WFDC11: variants seen among roughly 807,000 people sequenced by gnomAD.
WFDC11 encodes the protein WAP four-disulfide core domain 11.
A neutral mutation model predicts 9.9 loss-of-function variants in WFDC11; 9 were observed. The ratio of observed to expected loss-of-function variants is 0.91; its 90% CI spans 0.55 to 1.58. The LOEUF (loss-of-function observed/expected upper bound fraction) is 1.58. Ranked by LOEUF, WFDC11 falls within the 40% of genes most tolerant of loss-of-function variation. WFDC11 has a pLI of 0.00. For missense variants in WFDC11, 106 were observed against 101.7 expected (o/e 1.04, Z -0.18); for synonymous variants, 32 against 33.3 (o/e 0.96, Z 0.13).
intron 3 of WFDC11, 38 bp from the exon 4 acceptor site, chr20:45,649,437 G>A (rs200692299): frequency 8.1e-6 from 13 of 1,605,578 alleles, no homozygotes; most frequent in South Asian, 1.1e-5. Context: ...TTGATGGTAT[G>A]TTTCAGCCAA....
chr20:45,648,793 C>A, intron 4 of WFDC11, 54 bp from the exon 5 acceptor site: 1 of 1,560,750 alleles, frequency 6.4e-7, no homozygotes, highest in Non-Finnish European at 8.8e-7. Flanking sequence ...GAGAAACAAG[C>A]ATTCATTCCC....
chr20:45,656,777 T>C (rs1027619598), intron 2 of WFDC11, among the ~76,000 whole-genome samples: 1 of 152,164 alleles, frequency 6.6e-6, no homozygotes, highest in Non-Finnish European at 1.5e-5. Flanking sequence ...GCAAAGGATA[T>C]GAACAGACAC....
At chr20:45,665,140 G>T (rs990557405) in intron 2 of WFDC11, among the ~76,000 whole-genome samples, 1 of 151,894 alleles carries the variant, frequency 6.6e-6, no homozygotes, top group African/African-American at 2.4e-5. Context: ...CTCTAACCTT[G>T]TCTTTTCACT....
chr20:45,669,887 G>A (rs941077039), intron 1 of WFDC11, among the ~76,000 whole-genome samples: 1 of 152,108 alleles, frequency 6.6e-6, no homozygotes, highest in African/African-American at 2.4e-5. Context: ...CCAAAAGTTG[G>A]TTCTTTGTAG....
Position 45,650,350 on chromosome 20 carries a change from A to C in WFDC11, c.100+151T>G, listed in dbSNP as rs186427697. The C allele has an allele frequency of 1.3e-4, 84 of 623,084 alleles. No homozygotes were observed. The East Asian group carries it at 2.0e-3, about 15-fold the overall frequency. 38.6% of individuals were successfully genotyped at this position (623,084 alleles called of 1,614,324 possible). A position where few individuals can be genotyped will look rare whatever the true frequency, so the allele number is the denominator to read the frequency against. On this transcript the variant is annotated intron_variant, in intron 3 of 4. Coordinates refer to ENST00000324384, the MANE Select transcript of WFDC11 (RefSeq NM_147197.2). ...AGGACCTCAGCTTAGGGATTTCTTGAATCTCTGTGCATACAAAATTGTCAT... is the reference window on the plus strand; with the variant it reads ...AGGACCTCAGCTTAGGGATTTCTTGCATCTCTGTGCATACAAAATTGTCAT...
chr20:45,665,724 G>T (rs1378072454), intron 2 of WFDC11, among the ~76,000 whole-genome samples: 1 of 152,196 alleles, frequency 6.6e-6, no homozygotes, highest in East Asian at 1.9e-4. Context: ...TCTAGACCCT[G>T]TTTGCCTGGG....
chr20:45,656,482 C>G (rs1982933708), intron 2 of WFDC11, among the ~76,000 whole-genome samples: 1 of 152,052 alleles, frequency 6.6e-6, no homozygotes, highest in South Asian at 2.1e-4. Flanking sequence ...CCATAAAAAC[C>G]CTGGAAGAAA....
intron 3 of WFDC11, among the ~76,000 whole-genome samples, chr20:45,649,671 A>G (rs1982759241): frequency 6.6e-6 from 1 of 152,076 alleles, no homozygotes; most frequent in Admixed American, 6.6e-5. Context: ...GCCCTCTCTG[A>G]GCATCCCAAC....
chr20:45,655,569 G>A (rs1242244044), intron 2 of WFDC11, among the ~76,000 whole-genome samples: 1 of 152,192 alleles, frequency 6.6e-6, no homozygotes, highest in Non-Finnish European at 1.5e-5. Context: ...CATAGTGTTG[G>A]AAGTTCTGGC....
intron 2 of WFDC11, among the ~76,000 whole-genome samples, chr20:45,654,810 G>A (rs1390516950): frequency 2.6e-5 from 4 of 152,138 alleles, no homozygotes; most frequent in East Asian, 1.9e-4. Flanking sequence ...ACACCTCTAT[G>A]CAAGTAAACT....
intron 4 of WFDC11, 58 bp from the exon 5 acceptor site, chr20:45,648,797 C>A: frequency 6.5e-7 from 1 of 1,543,358 alleles, no homozygotes; most frequent in South Asian, 1.1e-5. Context: ...AACAAGCATT[C>A]ATTCCCCCTG....
At chr20:45,658,788 G>C (rs1055232301) in intron 2 of WFDC11, among the ~76,000 whole-genome samples, 5 of 151,862 alleles carry the variant, frequency 3.3e-5, no homozygotes, top group Non-Finnish European at 7.4e-5. Context: ...TTGTTATATA[G>C]GTATACACGT....
chr20:45,659,724 C>A (rs1954832042), intron 2 of WFDC11, among the ~76,000 whole-genome samples: 1 of 152,156 alleles, frequency 6.6e-6, no homozygotes, highest in Non-Finnish European at 1.5e-5. Context: ...TTAATTAGAT[C>A]CCATTTGTCA....
In WFDC11 at chr20:45,648,691, G is replaced by T; in HGVS notation, c.*28C>A. On this transcript the variant is annotated 3_prime_UTR_variant, in exon 5 of 5. Transcript: ENST00000324384. Reference sequence around the variant, plus strand: ...TCTTAAACATTTCCCAGCCCACACAGGTGGCAGCCTGGTGGGAAGCTACGG... The same window carrying T: ...TCTTAAACATTTCCCAGCCCACACATGTGGCAGCCTGGTGGGAAGCTACGG... The T allele has an allele frequency of 6.2e-7, 1 of 1,614,010 alleles. No homozygotes were observed. Among genetic ancestry groups the T allele is most frequent in the Non-Finnish European group, 8.5e-7 (1 of 1,179,870 alleles).
At chr20:45,665,596 G>A (rs999395172) in intron 2 of WFDC11, among the ~76,000 whole-genome samples, 14 of 152,184 alleles carry the variant, frequency 9.2e-5, no homozygotes, top group Non-Finnish European at 1.5e-4. Context: ...TACAGATGGG[G>A]TTTTGGTGTA....
chr20:45,665,996 T>C (rs1255389160), intron 2 of WFDC11, among the ~76,000 whole-genome samples: 4 of 152,222 alleles, frequency 2.6e-5, no homozygotes, highest in Non-Finnish European at 4.4e-5. Flanking sequence ...GAGTTGTCTG[T>C]TGCCTTTTGT....
At chr20:45,661,131 C>T (rs375679551) in intron 2 of WFDC11, among the ~76,000 whole-genome samples, 2 of 152,030 alleles carry the variant, frequency 1.3e-5, no homozygotes, top group African/African-American at 4.8e-5. Context: ...AGATGGTATC[C>T]CATTGTGGTT....
chr20:45,657,326 C>A (rs1242150865), intron 2 of WFDC11, among the ~76,000 whole-genome samples: 1 of 151,194 alleles, frequency 6.6e-6, no homozygotes, highest in Non-Finnish European at 1.5e-5. Flanking sequence ...AGCAAACTAT[C>A]GCAAGGACAA....
At chr20:45,653,122 A>G (rs1982847750) in intron 2 of WFDC11, among the ~76,000 whole-genome samples, 1 of 152,170 alleles carries the variant, frequency 6.6e-6, no homozygotes, top group African/African-American at 2.4e-5. Context: ...AAGACACATA[A>G]TTGTCAGATT....
Sources: gnomAD v4.1 joint callset for allele counts (sites outside exome capture counted in the v4.1 genomes callset) on GRCh38, gnomAD v4.1.1 for gene constraint, MANE v1.5 for transcripts, NCBI Gene and HGNC (gene_info 2026-07-23, HGNC 2026-07-21) for gene names.